RASAL2: variants seen among roughly 807,000 people sequenced by gnomAD.
RASAL2 encodes the protein RAS protein activator like 2.
Under a neutral mutation model 128.9 loss-of-function variants are expected in RASAL2, and 58 were observed. That is an observed-to-expected ratio of 0.45 (90% confidence interval 0.36 to 0.56). The LOEUF (loss-of-function observed/expected upper bound fraction) is 0.56, where lower values mean the gene tolerates loss of function less well. Ranked by LOEUF, RASAL2 falls within the 20% of genes least tolerant of loss-of-function variation. RASAL2 has a pLI of 0.00. For missense variants in RASAL2, 1,360 were observed against 1,601.6 expected, an observed-to-expected ratio of 0.85 and a Z score of 2.57; for synonymous variants, 561 against 580.8, an observed-to-expected ratio of 0.97 and a Z score of 0.49.
chr1:178,324,945 T>A (rs1246089607), intron 3 of RASAL2, among the ~76,000 whole-genome samples: 1 of 152,204 alleles, frequency 6.6e-6, no homozygotes, highest in Non-Finnish European at 1.5e-5. Flanking sequence ...CTAGTAACAA[T>A]GCTTAACCAA....
At chr1:178,409,155 G>A (rs1674192558) in intron 4 of RASAL2, among the ~76,000 whole-genome samples, 1 of 152,168 alleles carries the variant, frequency 6.6e-6, no homozygotes, top group African/African-American at 2.4e-5. Context: ...CATCATGGGA[G>A]AGGATTTCCC....
At position 178,476,823 on chromosome 1, in the gene RASAL2, G is replaced by C. The variant is rs1648706572; in HGVS notation, c.*3584G>C. 1.3e-5 allele frequency: 2 copies of C among 152,198 alleles called. No individual in the cohort carries two copies. The highest frequency in any genetic ancestry group is 4.1e-4 in the South Asian group (2 of 4,828). 9.4% of individuals were successfully genotyped at this position (152,198 alleles called of 1,614,324 possible). ...TGTTCTCAGAGGTACACCAGATTGA[G>C]AGCAGAGTTCTTCTTTGGAAGTCCC... is the stretch of plus-strand genomic sequence containing the variant. On this transcript the variant is annotated 3_prime_UTR_variant, in exon 18 of 18. Transcript: ENST00000367649.
At chr1:178,099,818 C>T (rs371821142) in intron 1 of RASAL2, among the ~76,000 whole-genome samples, 3 of 151,994 alleles carry the variant, frequency 2.0e-5, no homozygotes, top group East Asian at 1.9e-4. Flanking sequence ...AGAAATTAGC[C>T]GGGTGTGGTG....
chr1:178,117,435 A>C (rs1370869759), intron 1 of RASAL2, among the ~76,000 whole-genome samples: 1 of 152,224 alleles, frequency 6.6e-6, no homozygotes, highest in Non-Finnish European at 1.5e-5. Context: ...TTATGTTTAA[A>C]ATGTACTTTG....
At chr1:178,229,681 T>C (rs1203125382) in intron 1 of RASAL2, among the ~76,000 whole-genome samples, 1 of 152,184 alleles carries the variant, frequency 6.6e-6, no homozygotes, top group Non-Finnish European at 1.5e-5. Context: ...TCATTCATTC[T>C]CTTCAATGTA....
At chr1:178,284,701 CT>C (rs1030932061) in intron 2 of RASAL2, among the ~76,000 whole-genome samples, 6 of 151,982 alleles carry the variant, frequency 3.9e-5, no homozygotes, top group Admixed American at 2.6e-4. Context: ...TAAAACTACT[CT>C]GTAAAATCAT....
At chr1:178,176,003 A>G (rs1195244109) in intron 1 of RASAL2, among the ~76,000 whole-genome samples, 1 of 152,166 alleles carries the variant, frequency 6.6e-6, no homozygotes, top group African/African-American at 2.4e-5. Flanking sequence ...TGTGAATTAT[A>G]CAACAATAAA....
chr1:178,414,363 G>T (rs896898220), intron 4 of RASAL2, among the ~76,000 whole-genome samples: 3 of 152,162 alleles, frequency 2.0e-5, no homozygotes, highest in Non-Finnish European at 2.9e-5. Flanking sequence ...AATATACTCT[G>T]CATAATACTA....
intron 1 of RASAL2, among the ~76,000 whole-genome samples, chr1:178,170,645 C>G (rs556963887): frequency 4.6e-5 from 7 of 151,602 alleles, no homozygotes; most frequent in African/African-American, 1.7e-4. Context: ...CTCTTTTTCT[C>G]TGAAGGACAT....
intron 5 of RASAL2, among the ~76,000 whole-genome samples, chr1:178,425,987 A>G (rs895108209): frequency 2.0e-5 from 3 of 152,144 alleles, no homozygotes; most frequent in Non-Finnish European, 4.4e-5. Flanking sequence ...GGAAAGGTTC[A>G]GCTTCCACCC....
intron 1 of RASAL2, among the ~76,000 whole-genome samples, chr1:178,127,340 A>C (rs979646065): frequency 1.3e-5 from 2 of 152,176 alleles, no homozygotes; most frequent in East Asian, 3.8e-4. Flanking sequence ...AGCAGGAAAA[A>C]AAATATTTTC....
intron 1 of RASAL2, among the ~76,000 whole-genome samples, chr1:178,195,675 C>T (rs946749827): frequency 5.3e-5 from 8 of 151,974 alleles, no homozygotes; most frequent in African/African-American, 1.4e-4. Flanking sequence ...TGATATTTTT[C>T]GTCTCGAAAA....
intron 5 of RASAL2, among the ~76,000 whole-genome samples, chr1:178,434,741 G>A (rs913691636): frequency 1.3e-5 from 2 of 151,514 alleles, no homozygotes; most frequent in Non-Finnish European, 2.9e-5. Context: ...TGGCGAATGA[G>A]CTCTAATTTC....
intron 1 of RASAL2, among the ~76,000 whole-genome samples, chr1:178,232,704 A>G (rs1402983542): frequency 6.6e-6 from 1 of 152,224 alleles, no homozygotes; most frequent in Non-Finnish European, 1.5e-5. Context: ...GAGATGTAGT[A>G]TAAATAGCAT....
intron 3 of RASAL2, among the ~76,000 whole-genome samples, chr1:178,379,939 C>G (rs533995144): frequency 5.9e-5 from 9 of 152,346 alleles, no homozygotes; most frequent in African/African-American, 2.2e-4. Context: ...GGGTCTCACT[C>G]TTGTCAGTCA....
At chr1:178,332,823 C>T (rs1669396521) in intron 3 of RASAL2, among the ~76,000 whole-genome samples, 1 of 151,530 alleles carries the variant, frequency 6.6e-6, no homozygotes, top group Non-Finnish European at 1.5e-5. Context: ...ACCGTGGTCT[C>T]GATCTCCTGA....
At chr1:178,154,152 T>A (rs956090804) in intron 1 of RASAL2, among the ~76,000 whole-genome samples, 1 of 151,640 alleles carries the variant, frequency 6.6e-6, no homozygotes, top group African/African-American at 2.4e-5. Flanking sequence ...ATTTTTTTTT[T>A]TTTTTTATTA....
At chr1:178,124,285 A>G (rs1381048002) in intron 1 of RASAL2, among the ~76,000 whole-genome samples, 1 of 152,140 alleles carries the variant, frequency 6.6e-6, no homozygotes, top group Non-Finnish European at 1.5e-5. Flanking sequence ...TCCAGGGGAC[A>G]TTTGACAAAG....
chr1:178,299,876 C>A, intron 2 of RASAL2, 116 bp from the exon 3 acceptor site: 1 of 1,016,928 alleles, frequency 9.8e-7, no homozygotes. Flanking sequence ...CTATATTTCT[C>A]CTGCCTTACT....
Sources: allele counts gnomAD v4.1 joint callset (sites outside exome capture counted in the v4.1 genomes callset), GRCh38; gene constraint gnomAD v4.1.1; transcripts MANE v1.5; gene names NCBI Gene and HGNC (gene_info 2026-07-23, HGNC 2026-07-21).